Variants in ARMC5 observed in about 807,000 individuals in gnomAD.
ARMC5 encodes the protein armadillo repeat-containing protein 5.
Under a neutral mutation model 60.5 loss-of-function variants are expected in ARMC5, and 28 were observed. The ratio of observed to expected loss-of-function variants is 0.46; its 90% confidence interval spans 0.34 to 0.63. The LOEUF is 0.63. ARMC5 is among the 30% of genes least tolerant of loss of function. ARMC5 has a pLI of 0.01. For synonymous variants in ARMC5, 680 were observed against 607.3 expected, an observed-to-expected ratio of 1.12 and a Z score of -1.76; for missense variants, 1,189 against 1,304.9, an observed-to-expected ratio of 0.91 and a Z score of 1.37.
upstream of ARMC5, chr16:31,458,447 G>C: frequency 6.5e-7 from 1 of 1,535,754 alleles, no homozygotes; most frequent in Non-Finnish European, 8.7e-7. Flanking sequence ...TGTACCCAGT[G>C]GTGCTTAACC....
In ARMC5 at chr16:31,465,932, GA is replaced by G. The variant is rs1440446878; in HGVS notation, c.1948del (p.Ser650AlafsTer10). On this transcript the variant is annotated frameshift_variant, in exon 5 of 6. Coordinates refer to ENST00000268314, the MANE Select transcript of ARMC5 (RefSeq NM_001105247.2). LOFTEE classifies it high-confidence loss of function. ...GALTHLLLSG[S>X]PEDRVACALT... ...CCCTGACGCACCTGCTGCTCTCTGGGAGCCCTGAGGACCGAGTGGCCTGCGC... is the reference window on the plus strand; with the variant it reads ...CCCTGACGCACCTGCTGCTCTCTGGGGCCCTGAGGACCGAGTGGCCTGCGC... 1 of 1,607,652 alleles carries G rather than the reference GA, an allele frequency of 6.2e-7. No individual in the cohort carries two copies. Among genetic ancestry groups the G allele is most frequent in the Admixed American group, 1.7e-5 (1 of 59,988 alleles).
At chr16:31,463,875 A>G (rs964809542) in intron 3 of ARMC5, among the ~76,000 whole-genome samples, 1 of 152,230 alleles carries the variant, frequency 6.6e-6, no homozygotes, top group African/African-American at 2.4e-5. Context: ...CAGCACCTAA[A>G]GAACGGCTTG....
At chr16:31,459,376 G>GC (rs1486371011), upstream of ARMC5, 30 of 1,536,396 alleles carry the variant, frequency 2.0e-5, no homozygotes, top group Non-Finnish European at 2.4e-5. Flanking sequence ...ACAGACTTCC[G>GC]GGGTCGAGAA....
Position 31,459,888 on chromosome 16 carries a change from C to T in ARMC5, c.364C>T (p.Pro122Ser). Residue 122 changes from proline to serine, a missense_variant, in exon 1 of 6, where the codon CCA (proline) becomes TCA (serine). Physicochemically the swap from Pro to Ser is moderately conservative, Grantham distance 74. Transcript: ENST00000268314. ...TGTGTCGTCGTCTAGTCCTACGCCG[C>T]CAGTGCGCCTGCGCAAGACGCTGGA... is the stretch of plus-strand genomic sequence containing the variant. Reference protein sequence around the residue: ...SAVSSSSPTPPVRLRKTLDLA... With the variant: ...SAVSSSSPTPSVRLRKTLDLA... 6.2e-7 allele frequency: 1 copy of T among 1,605,852 alleles called. No homozygotes were observed. Among genetic ancestry groups the T allele is most frequent in the Non-Finnish European group, 8.5e-7 (1 of 1,179,858 alleles).
rs2142573057 is a variant in ARMC5 at position 31,464,307 on chromosome 16, A to AG, written c.1371-87_1371-86insG. 9.6e-7 allele frequency: 1 copy of AG among 1,045,020 alleles called. No homozygotes were observed. Among genetic ancestry groups the AG allele is most frequent in the African/African-American group, 1.7e-5 (1 of 59,154 alleles). 64.7% of individuals were successfully genotyped at this position (1,045,020 alleles called of 1,614,324 possible). Reference sequence around the variant, plus strand: ...CACATTTCTTTAAAAAAAAAAAAAAAAAAAAAAAAGACGCCTCACGCCTCT... The same window carrying AG: ...CACATTTCTTTAAAAAAAAAAAAAAAGAAAAAAAAAGACGCCTCACGCCTCT... On this transcript the variant is annotated intron_variant, in intron 3 of 5. Transcript: ENST00000268314. This position sits in a 1 kb window ranked among gnomAD's most constrained non-coding sequence, Gnocchi z 7.6.
At chr16:31,458,585 C>G, upstream of ARMC5, 1 of 1,477,310 alleles carries the variant, frequency 6.8e-7, no homozygotes, top group Non-Finnish European at 9.1e-7. Flanking sequence ...TTCCGGCACT[C>G]GCAGGTTTTG....
intron 4 of ARMC5, 115 bp from the exon 5 acceptor site, chr16:31,465,735 T>C: frequency 6.5e-7 from 1 of 1,542,906 alleles, no homozygotes. Flanking sequence ...TTCAGTGCCC[T>C]GATTTCTCAC....
chr16:31,462,309 G>A lies in ARMC5; in HGVS notation c.762G>A (p.Leu254=), dbSNP rs762540300. 6.2e-7 allele frequency: 1 copy of A among 1,610,456 alleles called. No individual in the cohort carries two copies. The highest frequency in any genetic ancestry group is 1.7e-5 in the Admixed American group (1 of 60,004). Residue 254 remains leucine (L), a synonymous_variant, in exon 3 of 6, where the codon CTG becomes CTA. Transcript: ENST00000268314. This position sits in a 1 kb window ranked among gnomAD's most constrained non-coding sequence, Gnocchi z 7.2. The stretch of plus-strand genomic sequence containing the variant: ...TGGCCACTGCCCCAGATGCTGCACT[G>A]ACCTTAGCCCTCGTCCGTGCCCTCC... ...ELLATAPDAA[L]TLALVRALLE...
At chr16:31,463,503 G>C (rs2082322924) in intron 3 of ARMC5, among the ~76,000 whole-genome samples, 1 of 152,216 alleles carries the variant, frequency 6.6e-6, no homozygotes, top group African/African-American at 2.4e-5. Flanking sequence ...GTGGGCTCTG[G>C]AGTCCAAGTT....
intron 1 of ARMC5, 135 bp downstream of exon 1, chr16:31,460,134 C>T: frequency 1.0e-6 from 1 of 992,302 alleles, no homozygotes; most frequent in Non-Finnish European, 1.5e-6. Context: ...TCCTGTTTCT[C>T]AATCTGTTGT....
Position 31,466,481 on chromosome 16 carries a change from C to T in ARMC5, c.2400C>T (p.Ala800=), listed in dbSNP as rs1363477215. 6.2e-7 allele frequency: 1 copy of T among 1,611,174 alleles called. No individual in the cohort carries two copies. Among genetic ancestry groups the T allele is most frequent in the Admixed American group, 1.7e-5 (1 of 60,028 alleles). Residue 800 remains alanine, a synonymous_variant, in exon 6 of 6, where the codon GCC becomes GCT. Transcript: ENST00000268314. The surrounding 1 kb of genome is among the most constrained non-coding windows in gnomAD (Gnocchi z 8.0). The stretch of plus-strand genomic sequence containing the variant: ...TGCGAGGTCTGTCGCCTGGTGCAGC[C>T]TGGCCTGTCCTGCATCATTTGCATG... ...VPLRGLSPGA[A]WPVLHHLHGC...
intron 1 of ARMC5, among the ~76,000 whole-genome samples, chr16:31,461,380 G>A (rs2082302289): frequency 6.6e-6 from 1 of 152,294 alleles, no homozygotes; most frequent in Non-Finnish European, 1.5e-5. Flanking sequence ...CACAGACACT[G>A]TATCTTACCT....
intron 1 of ARMC5, among the ~76,000 whole-genome samples, chr16:31,461,504 G>C (rs2082303267): frequency 6.6e-6 from 1 of 152,038 alleles, no homozygotes; most frequent in Non-Finnish European, 1.5e-5. Context: ...CCGAGTGTTA[G>C]CCTCTTTCTT....
rs537788230 is a variant in ARMC5, at chr16:31,464,292, TAAAAAAAAAAA to T, written c.1371-88_1371-78del. On this transcript the variant is annotated intron_variant, in intron 3 of 5. Transcript: ENST00000268314. This position sits in a 1 kb window ranked among gnomAD's most constrained non-coding sequence, Gnocchi z 7.6. Reference sequence around the variant, plus strand: ...GCTATAGAGGGATACCACATTTCTTTAAAAAAAAAAAAAAAAAAAAAAAAGACGCCTCACGC... The same window carrying T: ...GCTATAGAGGGATACCACATTTCTTTAAAAAAAAAAAAAGACGCCTCACGC... The T allele has an allele frequency of 1.0e-5, 5 of 498,966 alleles. No homozygotes were observed. Among genetic ancestry groups the T allele is most frequent in the Non-Finnish European group, 6.1e-6 (2 of 329,960 alleles). The allele number at this position is 498,966 out of a possible 1,614,324, so 30.9% of individuals were successfully genotyped here.
Position 31,466,744 on chromosome 16 carries a change from C to T in ARMC5, c.2663C>T (p.Thr888Ile), listed in dbSNP as rs1337390359. 6.4e-7 allele frequency: 1 copy of T among 1,566,238 alleles called. No individual in the cohort carries two copies. Among genetic ancestry groups the T allele is most frequent in the Admixed American group, 1.9e-5 (1 of 52,828 alleles). ...PRLAAHCARW[T>I]LGSEQCPRKR... is the part of the protein sequence containing the mutation. ...CTGGCTGCCCACTGTGCCCGCTGGA[C>T]ACTGGGGTCAGAGCAGTGCCCGAGG... is the stretch of plus-strand genomic sequence containing the variant. The change falls in exon 6 of 6, where the codon ACA becomes ATA. Residue 888 changes from threonine (T) to isoleucine (I), a missense_variant. Physicochemically the swap from Thr to Ile is moderately conservative, Grantham distance 89. This residue lies in a region of ARMC5 where 862 missense variants were observed against 1,071.2 expected (regional missense o/e 0.80). Coordinates refer to ENST00000268314, the MANE Select transcript of ARMC5 (RefSeq NM_001105247.2). This position sits in a 1 kb window ranked among gnomAD's most constrained non-coding sequence, Gnocchi z 8.0.
intron 1 of ARMC5, among the ~76,000 whole-genome samples, chr16:31,461,607 A>G (rs2082303997): frequency 6.6e-6 from 1 of 152,160 alleles, no homozygotes. Flanking sequence ...TCCTGGGTTC[A>G]AGCAATTCTC....
At chr16:31,458,395 CG>C, upstream of ARMC5, 9 of 1,535,690 alleles carry the variant, frequency 5.9e-6, no homozygotes, top group Non-Finnish European at 7.8e-6. Context: ...AGGGCCGAAG[CG>C]ATGGTCACAC....
In ARMC5 at chr16:31,466,063, C is replaced by T. The variant is rs1270873717; in HGVS notation, c.1998-16C>T. ...GCCCGTTGCCCACCTTTTGAAAGGC[C>T]CTCTCTTCCCTGTAGGAAGCCCTCT... On this transcript the variant is annotated splice_polypyrimidine_tract_variant and intron_variant, in intron 5 of 5. Transcript: ENST00000268314. The surrounding 1 kb of genome is among the most constrained non-coding windows in gnomAD (Gnocchi z 8.0). 2.5e-6 allele frequency: 4 copies of T among 1,593,520 alleles called. No individual in the cohort carries two copies. Among genetic ancestry groups the T allele is most frequent in the African/African-American group, 2.7e-5 (2 of 74,448 alleles).
At chr16:31,460,471 A>G (rs1275729929) in intron 1 of ARMC5, among the ~76,000 whole-genome samples, 3 of 152,234 alleles carry the variant, frequency 2.0e-5, no homozygotes, top group Non-Finnish European at 4.4e-5. Flanking sequence ...AAAATGGGGC[A>G]ATAATAGCTA....
Sources: gnomAD v4.1 joint callset for allele counts (sites outside exome capture counted in the v4.1 genomes callset) on GRCh38, gnomAD v4.1.1 for gene constraint, gnomAD v4.1.1 regional missense constraint, Gnocchi (gnomAD v3.1) non-coding constraint, MANE v1.5 for transcripts, NCBI Gene and HGNC (gene_info 2026-07-23, HGNC 2026-07-21) for gene names.